Variants in CACNB2 observed in about 807,000 individuals in gnomAD.
The protein encoded by CACNB2 is voltage-dependent L-type calcium channel subunit beta-2.
In CACNB2, 42 loss-of-function variants were observed where a neutral mutation model predicts 73.3. The observed-to-expected ratio is 0.57, with a 90% CI of 0.45 to 0.74. The LOEUF (loss-of-function observed/expected upper bound fraction) is 0.74, where lower values mean the gene tolerates loss of function less well. Among genes scored for constraint, CACNB2 ranks in the 30% least tolerant of loss-of-function variants. The pLI, the probability that CACNB2 is intolerant of heterozygous loss-of-function variation, is 0.00. For synonymous variants in CACNB2, 348 were observed against 310.3 expected (o/e 1.12, Z -1.28); for missense variants, 940 against 853.0 (o/e 1.10, Z -1.27).
At chr10:18,389,404 G>A (rs1478451998) in intron 2 of CACNB2, among the ~76,000 whole-genome samples, 1 of 152,186 alleles carries the variant, frequency 6.6e-6, no homozygotes, top group African/African-American at 2.4e-5. Flanking sequence ...CTCCCAAAGT[G>A]CTGGGATTAC....
intron 2 of CACNB2, among the ~76,000 whole-genome samples, chr10:18,203,755 G>C (rs952075334): frequency 6.6e-6 from 1 of 152,072 alleles, no homozygotes; most frequent in African/African-American, 2.4e-5. Flanking sequence ...TTTGCTAGTG[G>C]TGACTGTTAT....
At chr10:18,221,880 C>T (rs542802100) in intron 2 of CACNB2, among the ~76,000 whole-genome samples, 4 of 152,268 alleles carry the variant, frequency 2.6e-5, no homozygotes, top group African/African-American at 7.2e-5. Context: ...CAAAAGCTTG[C>T]AGTGTTTCCT....
chr10:18,230,181 C>T (rs1430135458), intron 2 of CACNB2, among the ~76,000 whole-genome samples: 1 of 152,166 alleles, frequency 6.6e-6, no homozygotes, highest in African/African-American at 2.4e-5. Context: ...ACAGAGAGAG[C>T]ATCCCCAACT....
At chr10:18,144,041 C>A (rs999419154) in intron 1 of CACNB2, among the ~76,000 whole-genome samples, 2 of 152,140 alleles carry the variant, frequency 1.3e-5, no homozygotes, top group African/African-American at 2.4e-5. Flanking sequence ...ATACATTTCT[C>A]AAAGCCCTGG....
chr10:18,483,574 G>A (rs2048903503), intron 3 of CACNB2, among the ~76,000 whole-genome samples: 1 of 151,194 alleles, frequency 6.6e-6, no homozygotes. Flanking sequence ...CAAAACATGA[G>A]TATAAAATAA....
intron 2 of CACNB2, among the ~76,000 whole-genome samples, chr10:18,220,110 A>AATATAT (rs1165921150): frequency 4.9e-4 from 16 of 32,734 alleles, no homozygotes; most frequent in East Asian, 9.6e-4. Flanking sequence ...TTTATTTTTT[A>AATATAT]ATATATATAT....
At chr10:18,318,784 G>A (rs760210950) in intron 2 of CACNB2, among the ~76,000 whole-genome samples, 4 of 152,036 alleles carry the variant, frequency 2.6e-5, no homozygotes, top group Admixed American at 6.6e-5. Flanking sequence ...TCAAAAAGTG[G>A]GCCAAGGATA....
At chr10:18,498,528 A>T (rs773198622) in intron 4 of CACNB2, 51 bp downstream of exon 4, 1 of 1,591,050 alleles carries the variant, frequency 6.3e-7, no homozygotes, top group Non-Finnish European at 8.6e-7. Flanking sequence ...ACCTTGACAT[A>T]CCATTTCTTA....
In CACNB2 at chr10:18,448,512, G is replaced by GA. The variant is rs2046857453; in HGVS notation, c.333+46472dup. Among the ~76,000 whole-genome samples the GA allele has an allele frequency of 5.1e-5, 7 of 135,954 alleles. No individual in the cohort carries two copies. The East Asian group carries it at 6.4e-4, about 12-fold the overall frequency. 89.2% of individuals were successfully genotyped at this position (135,954 alleles called of 152,430 possible). A position where few individuals can be genotyped will look rare whatever the true frequency, so the allele number is the denominator to read the frequency against. ...AAAAAAAAAAAAAAAGAAAAGAAAA[G>GA]AAAGAAAGGAAAGAAAAAAAAGTTA... On this transcript the variant is annotated intron_variant, in intron 3 of 13. Coordinates refer to ENST00000324631, the MANE Select transcript of CACNB2 (RefSeq NM_201596.3).
At chr10:18,254,647 C>T (rs1307733100) in intron 2 of CACNB2, among the ~76,000 whole-genome samples, 2 of 152,128 alleles carry the variant, frequency 1.3e-5, no homozygotes, top group East Asian at 3.8e-4. Flanking sequence ...TCTGTAGAAG[C>T]TGGAATGAAA....
intron 3 of CACNB2, among the ~76,000 whole-genome samples, chr10:18,482,445 TATA>T (rs2048829299): frequency 6.6e-6 from 1 of 152,178 alleles, no homozygotes; most frequent in South Asian, 2.1e-4. Flanking sequence ...CTACGGAAGT[TATA>T]ATATCTCCTG....
intron 2 of CACNB2, among the ~76,000 whole-genome samples, chr10:18,321,276 G>A (rs1222037527): frequency 6.6e-6 from 1 of 152,118 alleles, no homozygotes; most frequent in African/African-American, 2.4e-5. Context: ...GATCAACTTG[G>A]GGTATAAGTG....
chr10:18,319,203 C>T (rs1229893745), intron 2 of CACNB2, among the ~76,000 whole-genome samples: 3 of 152,104 alleles, frequency 2.0e-5, no homozygotes. Flanking sequence ...AACCCAAATA[C>T]CTATTAATGA....
At chr10:18,434,362 A>T (rs1415609560) in intron 3 of CACNB2, among the ~76,000 whole-genome samples, 1 of 152,176 alleles carries the variant, frequency 6.6e-6, no homozygotes, top group African/African-American at 2.4e-5. Context: ...TGAAGGAATA[A>T]AGTCAGAGAA....
At chr10:18,345,466 A>G (rs2041409823) in intron 2 of CACNB2, among the ~76,000 whole-genome samples, 1 of 152,176 alleles carries the variant, frequency 6.6e-6, no homozygotes, top group African/African-American at 2.4e-5. Flanking sequence ...TCCTGCATTT[A>G]GATTAATAAG....
At chr10:18,141,136 G>T in intron 1 of CACNB2, 2 of 1,550,180 alleles carry the variant, frequency 1.3e-6, no homozygotes, top group Non-Finnish European at 1.7e-6. Context: ...GGTTGCTCCA[G>T]CTGGCCCTCC....
At chr10:18,415,467 TAAA>T (rs11337812) in intron 3 of CACNB2, among the ~76,000 whole-genome samples, 1 of 142,794 alleles carries the variant, frequency 7.0e-6, no homozygotes. Context: ...CCTTGTCTCT[TAAA>T]AAAAAAAAAA....
At chr10:18,291,472 A>G (rs2039067080) in intron 2 of CACNB2, among the ~76,000 whole-genome samples, 1 of 152,188 alleles carries the variant, frequency 6.6e-6, no homozygotes, top group South Asian at 2.1e-4. Context: ...GCTATACAGA[A>G]GATAACATGT....
chr10:18,412,092 G>C (rs968015792), intron 3 of CACNB2, among the ~76,000 whole-genome samples: 4 of 152,150 alleles, frequency 2.6e-5, no homozygotes, highest in Admixed American at 6.6e-5. Context: ...TCTTCCATAT[G>C]GTTGTTTATC....
Sources: gnomAD v4.1 joint callset for allele counts (sites outside exome capture counted in the v4.1 genomes callset) on GRCh38, gnomAD v4.1.1 for gene constraint, MANE v1.5 for transcripts, NCBI Gene and HGNC (gene_info 2026-07-23, HGNC 2026-07-21) for gene names.